The following ZMYM1 variants were observed in gnomAD, a reference collection of about 807,000 sequenced individuals.
The protein encoded by ZMYM1 is zinc finger MYM-type containing 1, also known as zinc finger MYM-type protein 1.
ZMYM1 carries 39 observed loss-of-function variants against 60.0 expected under a neutral mutation model. The ratio of observed to expected loss-of-function variants is 0.65; its 90% confidence interval spans 0.50 to 0.85. The LOEUF is 0.85. Ranked by LOEUF, ZMYM1 falls within the 40% of genes least tolerant of loss-of-function variation. The probability of loss-of-function intolerance (pLI) is 0.00; values close to 1 mark genes in which losing one functional copy is unlikely to be tolerated. For missense variants in ZMYM1, 1,171 were observed against 1,309.5 expected (o/e 0.89, Z 1.63); for synonymous variants, 413 against 454.0 (o/e 0.91, Z 1.15).
chr1:35,104,129 A>G (rs1476716488), intron 4 of ZMYM1, 166 bp from the exon 5 acceptor site: 2 of 602,424 alleles, frequency 3.3e-6, no homozygotes. Flanking sequence ...TAGATGAGAA[A>G]ATTAAAATTT....
In ZMYM1 at chr1:35,110,367, G is replaced by A. The variant is rs376875969; in HGVS notation, c.881G>A (p.Ser294Asn). 10 of 1,597,068 alleles carry A rather than the reference G, an allele frequency of 6.3e-6. No individual in the cohort carries two copies. Among genetic ancestry groups the A allele is most frequent in the South Asian group, 1.1e-5 (1 of 88,340 alleles). The part of the protein sequence containing the change: ...KPSDEMIETT[S>N]DLGKTELFCS... ...TCAGATGAAATGATTGAGACTACGA[G>A]TGATTTGGGGAAGACAGAGCTTTTC... Residue 294 changes from serine to asparagine, a missense_variant, in exon 7 of 10, where the codon AGT becomes AAT. Coordinates refer to ENST00000359858, the MANE Select transcript of ZMYM1 (RefSeq NM_024772.5).
downstream of ZMYM1, among the ~76,000 whole-genome samples, chr1:35,118,014 C>T (rs543697199): frequency 1.6e-4 from 24 of 151,592 alleles, no homozygotes; most frequent in South Asian, 1.7e-3. Flanking sequence ...CTAAGGCAGG[C>T]GGATCACAAG....
intron 4 of ZMYM1, among the ~76,000 whole-genome samples, chr1:35,101,775 T>G (rs980869853): frequency 1.1e-4 from 17 of 151,880 alleles, no homozygotes; most frequent in African/African-American, 3.6e-4. Context: ...AGTCTCGAAC[T>G]CCTGACCTCA....
intron 1 of ZMYM1, among the ~76,000 whole-genome samples, chr1:35,091,775 G>A (rs1643018468): frequency 6.6e-6 from 1 of 151,472 alleles, no homozygotes; most frequent in Non-Finnish European, 1.5e-5. Flanking sequence ...ACATGCCTGT[G>A]GTCCCAGCTA....
chr1:35,067,466 A>C (rs2148476544), intron 1 of ZMYM1, among the ~76,000 whole-genome samples: 2 of 151,514 alleles, frequency 1.3e-5, no homozygotes, highest in South Asian at 4.2e-4. Context: ...TTTTTTTTTA[A>C]TTTTGTAGAG....
chr1:35,096,802 C>T (rs1253461707), intron 3 of ZMYM1, among the ~76,000 whole-genome samples: 1 of 152,156 alleles, frequency 6.6e-6, no homozygotes, highest in Non-Finnish European at 1.5e-5. Flanking sequence ...CAGGTTCAAG[C>T]GATTCTCCTG....
Position 35,113,410 on chromosome 1 carries a change from GAGAATACCAAT to G in ZMYM1, c.1581_1591del (p.Arg527SerfsTer3), listed in dbSNP as rs775960789. 2 of 1,613,780 alleles carry G rather than the reference GAGAATACCAAT, an allele frequency of 1.2e-6. No individual in the cohort carries two copies. Among genetic ancestry groups the G allele is most frequent in the Middle Eastern group, 3.3e-4 (2 of 6,060 alleles). On this transcript the variant is annotated frameshift_variant, in exon 10 of 10. Coordinates refer to ENST00000359858, the MANE Select transcript of ZMYM1 (RefSeq NM_024772.5). LOFTEE classifies it high-confidence loss of function. ...CATTTGAAGTCATTGGAATTTTGGA[GAGAATACCAAT>G]TTTGTGATGGAGCTGTCAGTGACGA...
At position 35,112,140 on chromosome 1, in the gene ZMYM1, A is replaced by G; in HGVS notation, c.1146+10A>G. On this transcript the variant is annotated intron_variant, in intron 9 of 9. Coordinates refer to ENST00000359858, the MANE Select transcript of ZMYM1 (RefSeq NM_024772.5). ...AGATGTCATTGTGGATGTAAGTTTT[A>G]ACTTTTTTTACCACTGTCTTTTTTT... 1 of 1,612,854 alleles carries G rather than the reference A, an allele frequency of 6.2e-7. No individual in the cohort carries two copies. Among genetic ancestry groups the G allele is most frequent in the African/African-American group, 1.3e-5 (1 of 74,952 alleles).
At chr1:35,076,557 G>T (rs1185290652), upstream of ZMYM1, among the ~76,000 whole-genome samples, 1 of 151,998 alleles carries the variant, frequency 6.6e-6, no homozygotes, top group Non-Finnish European at 1.5e-5. Flanking sequence ...GGAGGTGAAG[G>T]TTGCGGTGAG....
chr1:35,114,450 A>G lies in ZMYM1; in HGVS notation c.2620A>G (p.Ile874Val). The change falls in exon 10 of 10, where the codon ATT becomes GTT. Residue 874 changes from isoleucine to valine, a missense_variant. Ile to Val is a conservative substitution (Grantham distance 29, BLOSUM62 3). Coordinates refer to ENST00000359858, the MANE Select transcript of ZMYM1 (RefSeq NM_024772.5). The stretch of plus-strand genomic sequence containing the variant: ...GTATCGAGTGCTGAGTGTTACAGGA[A>G]TTCTTTCCAAAGAGCTTCAAAATAA... ...FLYRVLSVTG[I>V]LSKELQNKTI... is the part of the protein sequence containing the mutation. 1 of 1,613,446 alleles carries G rather than the reference A, an allele frequency of 6.2e-7. No homozygotes were observed. Among genetic ancestry groups the G allele is most frequent in the Non-Finnish European group, 8.5e-7 (1 of 1,179,704 alleles).
chr1:35,078,598 A>G (rs560290842), upstream of ZMYM1, among the ~76,000 whole-genome samples: 1 of 121,900 alleles, frequency 8.2e-6, no homozygotes, highest in African/African-American at 3.2e-5. Flanking sequence ...GCTCAGGCTG[A>G]AGTGCAGTGG....
At chr1:35,064,058 G>T (rs943153105) in intron 1 of ZMYM1, among the ~76,000 whole-genome samples, 1 of 152,146 alleles carries the variant, frequency 6.6e-6, no homozygotes, top group Non-Finnish European at 1.5e-5. Context: ...GGGCACAGTG[G>T]CTCACGCCTG....
chr1:35,061,198 G>A (rs1248975954), intron 1 of ZMYM1, among the ~76,000 whole-genome samples: 1 of 152,202 alleles, frequency 6.6e-6, no homozygotes, highest in East Asian at 1.9e-4. Flanking sequence ...AAGGAAGAAA[G>A]GAAGCAAGTG....
At chr1:35,061,485 T>C (rs1030385504) in intron 1 of ZMYM1, among the ~76,000 whole-genome samples, 22 of 152,094 alleles carry the variant, frequency 1.4e-4, no homozygotes, top group Non-Finnish European at 2.5e-4. Flanking sequence ...GATAGAAATA[T>C]AGACATCTTG....
intron 1 of ZMYM1, among the ~76,000 whole-genome samples, chr1:35,092,382 A>G (rs1276979358): frequency 7.0e-5 from 10 of 142,182 alleles, no homozygotes; most frequent in East Asian, 2.0e-4. Flanking sequence ...ACAGGCACAC[A>G]CCACCACACT....
chr1:35,073,026 G>A (rs551589268), intron 1 of ZMYM1, among the ~76,000 whole-genome samples: 22 of 151,964 alleles, frequency 1.4e-4, no homozygotes, highest in African/African-American at 4.6e-4. Context: ...AGGTTGCAAT[G>A]AGCTGAGATT....
chr1:35,102,651 C>CCCA (rs1288851603), intron 4 of ZMYM1, among the ~76,000 whole-genome samples: 2 of 152,042 alleles, frequency 1.3e-5, no homozygotes, highest in Non-Finnish European at 2.9e-5. Context: ...TCTGCAGATA[C>CCCA]CCACTTCTGG....
At chr1:35,100,808 C>CTT (rs534389487) in intron 4 of ZMYM1, among the ~76,000 whole-genome samples, 3,810 of 144,062 alleles carry the variant, frequency 0.026, 173 homozygotes, top group African/African-American at 0.089. Flanking sequence ...GTTGGCGTTT[C>CTT]TTTTTTTTTT....
rs778596692 is a variant in ZMYM1 at position 35,094,031 on chromosome 1, C to A, written c.44C>A (p.Ala15Glu). 1 of 1,611,060 alleles carries A rather than the reference C, an allele frequency of 6.2e-7. No homozygotes were observed. Among genetic ancestry groups the A allele is most frequent in the East Asian group, 2.2e-5 (1 of 44,662 alleles). The part of the protein sequence containing the change: ...LLGGECDKAV[A>E]SQLGLLDEIK... ...GGTGGTGAGTGTGACAAGGCAGTGG[C>A]ATCACAGCTGGGGCTGCTAGATGAA... Residue 15 changes from alanine to glutamate, a missense_variant, in exon 2 of 10, where the codon GCA (alanine) becomes GAA (glutamate). By Grantham distance (107) the Ala-to-Glu change is moderately radical. Transcript: ENST00000359858.
Sources: allele counts gnomAD v4.1 joint callset (sites outside exome capture counted in the v4.1 genomes callset), GRCh38; gene constraint gnomAD v4.1.1; transcripts MANE v1.5; gene names NCBI Gene and HGNC (gene_info 2026-07-23, HGNC 2026-07-21).